Variants in RPL36 observed in about 807,000 individuals in gnomAD.
RPL36 encodes large ribosomal subunit protein eL36.
For synonymous variants in RPL36, 74 were observed against 56.0 expected (o/e 1.32, Z -1.44); for missense variants, 131 against 144.9 (o/e 0.90, Z 0.49).
intron 2 of RPL36, chr19:5,690,927 G>T: frequency 1.8e-6 from 1 of 543,856 alleles, no homozygotes; most frequent in Non-Finnish European, 3.3e-6. Flanking sequence ...GAGGTTGAGG[G>T]ATTTCAGGTG....
At chr19:5,691,157 T>C (rs899696662) in intron 2 of RPL36, 162 bp from the exon 3 acceptor site, 1 of 957,530 alleles carries the variant, frequency 1.0e-6, no homozygotes. Flanking sequence ...GGATGGGAGC[T>C]GCTCCGGGCG....
Position 5,691,532 on chromosome 19 carries a change from G to C in RPL36, c.229G>C (p.Val77Leu). Reference protein sequence around the residue: ...KRALKFIKKRVGTHIRAKRKR... With the variant: ...KRALKFIKKRLGTHIRAKRKR... ...CTGACGGCGGCCTCGTCCCTGGCAG[G>C]TGGGGACGCACATCCGCGCCAAGAG... Residue 77 changes from valine to leucine, a missense_variant and splice_region_variant, in exon 4 of 4, where the codon GTG (valine) becomes CTG (leucine). Coordinates refer to ENST00000347512, the MANE Select transcript of RPL36 (RefSeq NM_033643.3). 1 of 1,612,274 alleles carries C rather than the reference G, an allele frequency of 6.2e-7. No individual in the cohort carries two copies. Among genetic ancestry groups the C allele is most frequent in the East Asian group, 2.2e-5 (1 of 44,884 alleles).
intron 1 of RPL36, 89 bp from the exon 2 acceptor site, chr19:5,690,417 G>A (rs999682274): frequency 6.9e-6 from 7 of 1,016,160 alleles, no homozygotes; most frequent in Non-Finnish European, 1.1e-5. Context: ...TGTGGCGAGC[G>A]AGGCTGAAGG....
chr19:5,691,127 C>G (rs2054812069), intron 2 of RPL36, 192 bp from the exon 3 acceptor site: 2 of 737,564 alleles, frequency 2.7e-6, no homozygotes, highest in South Asian at 1.8e-5. Flanking sequence ...GCCAGTGTTG[C>G]GGAGACTGGG....
chr19:5,691,293 C>T, intron 2 of RPL36, 26 bp from the exon 3 acceptor site: 1 of 1,612,100 alleles, frequency 6.2e-7, no homozygotes, highest in African/African-American at 1.3e-5. Context: ...TCCCCCTACC[C>T]TGACGGCCGC....
At position 5,691,786 on chromosome 19, in the gene RPL36, G is replaced by A; in HGVS notation, c.*165G>A. ...GGTGCTGCCTGGTCGTGAATCAAAA[G>A]CCGTGGCCCGCCCACCCTTCCCGGG... On this transcript the variant is annotated 3_prime_UTR_variant, in exon 4 of 4. Coordinates refer to ENST00000347512, the MANE Select transcript of RPL36 (RefSeq NM_033643.3). 1.1e-6 allele frequency: 1 copy of A among 890,802 alleles called. No homozygotes were observed. Among genetic ancestry groups the A allele is most frequent in the South Asian group, 1.5e-5 (1 of 65,082 alleles). The allele number at this position is 890,802 out of a possible 1,614,324, so 55.2% of individuals were successfully genotyped here.
chr19:5,690,451 C>T (rs2054801659), intron 1 of RPL36, 55 bp from the exon 2 acceptor site: 1 of 1,363,204 alleles, frequency 7.3e-7, no homozygotes, highest in Admixed American at 2.0e-5. Context: ...GGCTCTGGGC[C>T]TCGGGAACTG....
At position 5,691,330 on chromosome 19, in the gene RPL36, A is replaced by G; in HGVS notation, c.105A>G (p.Lys35=). The G allele has an allele frequency of 6.2e-7, 1 of 1,612,702 alleles. No homozygotes were observed. Among genetic ancestry groups the G allele is most frequent in the Middle Eastern group, 2.0e-4 (1 of 4,930 alleles). Residue 35 remains lysine (K), a synonymous_variant, in exon 3 of 4, where the codon AAA becomes AAG. Transcript: ENST00000347512. ...RHSRRRGRLT[K]HTKFVRDMIR... ...CCTTTCCCCCCTAGCGTCTGACCAA[A>G]CACACCAAGTTCGTGCGGGACATGA... is the stretch of plus-strand genomic sequence containing the variant.
chr19:5,691,675 C>G lies in RPL36; in HGVS notation c.*54C>G. ...AAGAACAGCTTGACAGAAGCCCTGG[C>G]TCTCCTGCTGTCCGTGGGTGGGTGT... On this transcript the variant is annotated 3_prime_UTR_variant, in exon 4 of 4. Coordinates refer to ENST00000347512, the MANE Select transcript of RPL36 (RefSeq NM_033643.3). The G allele has an allele frequency of 6.5e-7, 1 of 1,531,896 alleles. No homozygotes were observed. Among genetic ancestry groups the G allele is most frequent in the Non-Finnish European group, 8.9e-7 (1 of 1,128,880 alleles). 94.9% of individuals were successfully genotyped at this position (1,531,896 alleles called of 1,614,324 possible).
Position 5,690,530 on chromosome 19 carries a change from C to T in RPL36, c.23C>T (p.Ala8Val), listed in dbSNP as rs1181989265. The T allele has an allele frequency of 1.9e-6, 3 of 1,563,904 alleles. No individual in the cohort carries two copies. Among genetic ancestry groups the T allele is most frequent in the Admixed American group, 1.9e-5 (1 of 51,914 alleles). ...GCCATGGCCCTACGCTACCCTATGGCCGTGGGCCTCAACAAGGGCCACAAA... is the reference window on the plus strand; with the variant it reads ...GCCATGGCCCTACGCTACCCTATGGTCGTGGGCCTCAACAAGGGCCACAAA... MALRYPM[A>V]VGLNKGHKVT... The change falls in exon 2 of 4, where the codon GCC becomes GTC. Residue 8 changes from alanine to valine, a missense_variant. Coordinates refer to ENST00000347512, the MANE Select transcript of RPL36 (RefSeq NM_033643.3).
At chr19:5,691,244 C>T in intron 2 of RPL36, 75 bp from the exon 3 acceptor site, 3 of 1,601,882 alleles carry the variant, frequency 1.9e-6, no homozygotes, top group Non-Finnish European at 8.5e-7. Flanking sequence ...AGGGAAATCG[C>T]GGCAGCGCGA....
rs148274094 is a variant in RPL36, at chr19:5,691,363, G to A, written c.138G>A (p.Glu46=). The change falls in exon 3 of 4, where the codon GAG becomes GAA. Residue 46 remains glutamate, a synonymous_variant. Transcript: ENST00000347512. ...HTKFVRDMIR[E]VCGFAPYERR... ...AGTTCGTGCGGGACATGATTCGGGA[G>A]GTGTGTGGCTTTGCCCCGTACGAGC... is the stretch of plus-strand genomic sequence containing the variant. The A allele has an allele frequency of 1.6e-5, 26 of 1,613,492 alleles. No individual in the cohort carries two copies. The African/African-American group carries it at 2.5e-4, about 16-fold the overall frequency.
In RPL36 at chr19:5,690,322, C is replaced by A; in HGVS notation, c.-8C>A. 1 of 643,140 alleles carries A rather than the reference C, an allele frequency of 1.6e-6. No homozygotes were observed. Among genetic ancestry groups the A allele is most frequent in the Non-Finnish European group, 2.8e-6 (1 of 351,802 alleles). The allele number at this position is 643,140 out of a possible 1,614,324, so 39.8% of individuals were successfully genotyped here. A position where few individuals can be genotyped will look rare whatever the true frequency, so the allele number is the denominator to read the frequency against. On this transcript the variant is annotated 5_prime_UTR_variant, in exon 1 of 4. Transcript: ENST00000347512. Reference sequence around the variant, plus strand: ...TTCCGCCACGGCCGTCTCTGGAGAGCAGCAGGTAAGTGGTTTCCCGCACTG... The same window carrying A: ...TTCCGCCACGGCCGTCTCTGGAGAGAAGCAGGTAAGTGGTTTCCCGCACTG...
rs1013187538 is a variant in RPL36, at chr19:5,691,830, G to A, written c.*209G>A. ...TCCCGGGGCAGCAGGTGAGGAAGCC[G>A]CCGTACTGCAAATGACTTTAATCAT... is the stretch of plus-strand genomic sequence containing the variant. On this transcript the variant is annotated 3_prime_UTR_variant, in exon 4 of 4. Transcript: ENST00000347512. 1.0e-5 allele frequency: 8 copies of A among 795,348 alleles called. No homozygotes were observed. The highest frequency in any genetic ancestry group is 1.8e-5 in the South Asian group (1 of 57,026). 49.3% of individuals were successfully genotyped at this position (795,348 alleles called of 1,614,324 possible).
At position 5,691,426 on chromosome 19, in the gene RPL36, A is replaced by G. The variant is rs1599437716; in HGVS notation, c.201A>G (p.Lys67=). Residue 67 remains lysine, a synonymous_variant, in exon 3 of 4, where the codon AAA becomes AAG. Transcript: ENST00000347512. ...AMELLKVSKD[K]RALKFIKKRV... ...AGTTACTGAAGGTCTCCAAGGACAA[A>G]CGGGCCCTCAAATTTATCAAGAAAA... 1.9e-6 allele frequency: 3 copies of G among 1,612,296 alleles called. No homozygotes were observed. The highest frequency in any genetic ancestry group is 2.5e-6 in the Non-Finnish European group (3 of 1,179,314).
At position 5,691,614 on chromosome 19, in the gene RPL36, A is replaced by C; in HGVS notation, c.311A>C (p.Lys104Thr). 6.2e-7 allele frequency: 1 copy of C among 1,608,708 alleles called. No individual in the cohort carries two copies. Among genetic ancestry groups the C allele is most frequent in the Non-Finnish European group, 8.5e-7 (1 of 1,178,752 alleles). ...LAAMRKAAAK[K>T]D ...GCCATGAGGAAAGCTGCTGCCAAGA[A>C]AGACTGAGCCCCTCCCCTGCCCTCT... Residue 104 changes from lysine (K) to threonine (T), a missense_variant, in exon 4 of 4, where the codon AAA becomes ACA. Coordinates refer to ENST00000347512, the MANE Select transcript of RPL36 (RefSeq NM_033643.3).
In RPL36 at chr19:5,691,725, C is replaced by G; in HGVS notation, c.*104C>G. 1 of 1,227,032 alleles carries G rather than the reference C, an allele frequency of 8.1e-7. No individual in the cohort carries two copies. Among genetic ancestry groups the G allele is most frequent in the Non-Finnish European group, 1.2e-6 (1 of 858,344 alleles). The allele number at this position is 1,227,032 out of a possible 1,614,324, so 76.0% of individuals were successfully genotyped here. A position where few individuals can be genotyped will look rare whatever the true frequency, so the allele number is the denominator to read the frequency against. On this transcript the variant is annotated 3_prime_UTR_variant, in exon 4 of 4. Coordinates refer to ENST00000347512, the MANE Select transcript of RPL36 (RefSeq NM_033643.3). ...TGGGTGTGTCGGGGGCCCGCAGTCC[C>G]CTGTCTGGTGCCCGCTCTGAGCCAC...
chr19:5,690,670 G>A, intron 2 of RPL36, 70 bp downstream of exon 2: 1 of 1,274,068 alleles, frequency 7.8e-7, no homozygotes, highest in South Asian at 1.3e-5. Context: ...TTGGGCAAAG[G>A]CTCTCGACCT....
rs756096256 is a variant in RPL36 at position 5,690,537 on chromosome 19, C to T, written c.30C>T (p.Gly10=). 24 of 1,566,588 alleles carry T rather than the reference C, an allele frequency of 1.5e-5. No homozygotes were observed. The highest frequency in any genetic ancestry group is 1.9e-5 in the Admixed American group (1 of 52,154). Reference sequence around the variant, plus strand: ...CCCTACGCTACCCTATGGCCGTGGGCCTCAACAAGGGCCACAAAGTGACCA... The same window carrying T: ...CCCTACGCTACCCTATGGCCGTGGGTCTCAACAAGGGCCACAAAGTGACCA... MALRYPMAV[G]LNKGHKVTKN... Residue 10 remains glycine, a synonymous_variant, in exon 2 of 4, where the codon GGC becomes GGT. Coordinates refer to ENST00000347512, the MANE Select transcript of RPL36 (RefSeq NM_033643.3).
Sources: allele counts gnomAD v4.1 joint callset, GRCh38; gene constraint gnomAD v4.1.1; transcripts MANE v1.5; gene names NCBI Gene and HGNC (gene_info 2026-07-23, HGNC 2026-07-21).